Variants in CHGB observed in about 807,000 individuals in gnomAD.
The protein encoded by CHGB is chromogranin B.
Under a neutral mutation model 69.9 loss-of-function variants are expected in CHGB, and 46 were observed. That is an observed-to-expected ratio of 0.66 (90% CI 0.52 to 0.84). The LOEUF is 0.84. Among genes scored for constraint, CHGB ranks in the 40% least tolerant of loss-of-function variants. The probability of loss-of-function intolerance (pLI) is 0.00; values close to 1 mark genes in which losing one functional copy is unlikely to be tolerated. For synonymous variants in CHGB, 312 were observed against 298.2 expected (o/e 1.05, Z -0.48); for missense variants, 796 against 822.2 (o/e 0.97, Z 0.39).
chr20:5,913,050 T>C (rs1385272624), intron 1 of CHGB, among the ~76,000 whole-genome samples: 3 of 152,224 alleles, frequency 2.0e-5, no homozygotes, highest in African/African-American at 7.2e-5. Flanking sequence ...TTGCTTTGCT[T>C]AGGAGGCTGT....
At chr20:5,921,405 A>G (rs545323352) in intron 3 of CHGB, among the ~76,000 whole-genome samples, 4 of 152,190 alleles carry the variant, frequency 2.6e-5, no homozygotes, top group Non-Finnish European at 2.9e-5. Flanking sequence ...TCTGTGACAT[A>G]GGTTGAAATC....
chr20:5,924,152 C>A, intron 4 of CHGB, 52 bp downstream of exon 4: 1 of 1,498,572 alleles, frequency 6.7e-7, no homozygotes, highest in Non-Finnish European at 8.9e-7. Flanking sequence ...AATGTTAGCA[C>A]ATTATGTTCA....
At position 5,922,230 on chromosome 20, in the gene CHGB, C is replaced by G. The variant is rs181449290; in HGVS notation, c.191-105C>G. The G allele has an allele frequency of 2.0e-5, 27 of 1,365,878 alleles. No individual in the cohort carries two copies. In the African/African-American group the frequency reaches 3.5e-4, roughly 18 times the overall value. 84.6% of individuals were successfully genotyped at this position (1,365,878 alleles called of 1,614,324 possible). On this transcript the variant is annotated intron_variant, in intron 3 of 4. Coordinates refer to ENST00000378961, the MANE Select transcript of CHGB (RefSeq NM_001819.3). ...TTCTTCATTAACTTAAATAATTATC[C>G]AAGCAATTTTCAGTGTCATCAGGAT...
chr20:5,920,142 A>C (rs76964311), intron 3 of CHGB, among the ~76,000 whole-genome samples: 436 of 152,320 alleles, frequency 2.9e-3, no homozygotes, highest in African/African-American at 9.8e-3. Flanking sequence ...GCTTAAAGCT[A>C]AATTTAGTAG....
chr20:5,919,221 T>C (rs1389643472), intron 3 of CHGB, among the ~76,000 whole-genome samples: 4 of 152,238 alleles, frequency 2.6e-5, no homozygotes, highest in Non-Finnish European at 5.9e-5. Context: ...CCTTAGATTA[T>C]GGCATAGTAA....
In CHGB at chr20:5,923,171, G is replaced by A. The variant is rs2088527159; in HGVS notation, c.1027G>A (p.Glu343Lys). 22 of 1,613,924 alleles carry A rather than the reference G, an allele frequency of 1.4e-5. No homozygotes were observed. The highest frequency in any genetic ancestry group is 1.9e-5 in the Non-Finnish European group (22 of 1,179,862). Residue 343 changes from glutamate (E) to lysine (K), a missense_variant, in exon 4 of 5, where the codon GAA becomes AAA. Glu to Lys is a moderately conservative substitution (Grantham distance 56). Around this residue, in one of 3 missense-constraint regions of CHGB, gnomAD observed 518 missense variants for 506.3 expected, o/e 1.02. Coordinates refer to ENST00000378961, the MANE Select transcript of CHGB (RefSeq NM_001819.3). ...RASEEEPEYGEEIKGYPGVQA... is the reference protein window; with the variant it reads ...RASEEEPEYGKEIKGYPGVQA... The stretch of plus-strand genomic sequence containing the variant: ...TTCAGAGGAAGAACCTGAATATGGA[G>A]AAGAAATAAAGGGTTATCCAGGCGT...
In CHGB at chr20:5,922,490, A is replaced by G. The variant is rs144110872; in HGVS notation, c.346A>G (p.Thr116Ala). Reference protein sequence around the residue: ...APGEEDIQGPTKADTEKWAEG... With the variant: ...APGEEDIQGPAKADTEKWAEG... ...AGGGGAGGAGGACATCCAAGGCCCA[A>G]CAAAGGCAGACACAGAGAAATGGGC... The change falls in exon 4 of 5, where the codon ACA (threonine) becomes GCA (alanine). Residue 116 changes from threonine to alanine, a missense_variant. By Grantham distance (58) the Thr-to-Ala change is moderately conservative (BLOSUM62 0). Around this residue, in one of 3 missense-constraint regions of CHGB, gnomAD observed 518 missense variants for 506.3 expected, o/e 1.02. Transcript: ENST00000378961. The G allele has an allele frequency of 1.1e-4, 171 of 1,613,432 alleles. No individual in the cohort carries two copies. The African/African-American group carries it at 2.0e-3, about 19-fold the overall frequency.
At chr20:5,917,201 C>T (rs376046312) in intron 3 of CHGB, 104 of 413,326 alleles carry the variant, frequency 2.5e-4, no homozygotes, top group South Asian at 6.5e-4. Flanking sequence ...GATGTCTATC[C>T]GTTCTTAAAT....
At position 5,923,929 on chromosome 20, in the gene CHGB, G is replaced by A. The variant is rs759523311; in HGVS notation, c.1785G>A (p.Leu595=). The A allele has an allele frequency of 3.1e-6, 5 of 1,614,132 alleles. No homozygotes were observed. In the East Asian group the frequency reaches 1.1e-4, roughly 36 times the overall value. The change falls in exon 4 of 5, where the codon CTG becomes CTA. Residue 595 remains leucine (L), a synonymous_variant. Transcript: ENST00000378961. ...GAAACCTCGCCAGGGTCCCCAAGCT[G>A]GACCTGAAAAGGCAATATGACAGGG... ...EKRNLARVPK[L]DLKRQYDRVA... is the part of the protein sequence containing the mutation.
rs774750810 is a variant in CHGB, at chr20:5,923,695, A to C, written c.1551A>C (p.Arg517Ser). Residue 517 changes from arginine to serine, a missense_variant, in exon 4 of 5, where the codon AGA (arginine) becomes AGC (serine). Coordinates refer to ENST00000378961, the MANE Select transcript of CHGB (RefSeq NM_001819.3). ...ATCACACAGCTGAAAAGAGGAAGAG[A>C]TTAGGGGAACTGTTCAACCCATACT... is the stretch of plus-strand genomic sequence containing the variant. ...SSHHTAEKRK[R>S]LGELFNPYYD... 31 of 1,613,934 alleles carry C rather than the reference A, an allele frequency of 1.9e-5. No individual in the cohort carries two copies. The highest frequency in any genetic ancestry group is 2.6e-5 in the Non-Finnish European group (31 of 1,180,018).
intron 1 of CHGB, among the ~76,000 whole-genome samples, chr20:5,914,442 C>G (rs2088464169): frequency 6.6e-6 from 1 of 152,028 alleles, no homozygotes; most frequent in East Asian, 1.9e-4. Context: ...TTTCTCTGCC[C>G]CCAAATCTGG....
intron 2 of CHGB, 42 bp from the exon 3 acceptor site, chr20:5,916,784 G>C (rs1221438039): frequency 1.3e-6 from 2 of 1,583,156 alleles, no homozygotes. Context: ...CTGTCATCCA[G>C]TGATACCAGC....
In CHGB at chr20:5,923,856, G is replaced by A. The variant is rs756437543; in HGVS notation, c.1712G>A (p.Trp571Ter). 1 of 1,614,164 alleles carries A rather than the reference G, an allele frequency of 6.2e-7. No individual in the cohort carries two copies. The highest frequency in any genetic ancestry group is 8.5e-7 in the Non-Finnish European group (1 of 1,180,020). The change falls in exon 4 of 5, where the codon TGG (tryptophan) becomes TAG (stop). Residue 571 changes from tryptophan (W) to a stop codon, truncating the protein, a stop_gained. Transcript: ENST00000378961. LOFTEE classifies it high-confidence loss of function. ...TTCCCAGAATACAACTATGACTGGT[G>A]GGAGAAAAAGCCCTTCTCTGAGGAT... is the stretch of plus-strand genomic sequence containing the variant. ...NFFPEYNYDW[W>*]EKKPFSEDVN... is the part of the protein sequence containing the mutation.
chr20:5,918,411 A>AAACAAT (rs1354482559), intron 3 of CHGB, among the ~76,000 whole-genome samples: 1 of 152,068 alleles, frequency 6.6e-6, no homozygotes, highest in African/African-American at 2.4e-5. Flanking sequence ...ACAAAAACAA[A>AAACAAT]AAAAACACCA....
chr20:5,918,439 G>A (rs867832568), intron 3 of CHGB, among the ~76,000 whole-genome samples: 1 of 152,020 alleles, frequency 6.6e-6, no homozygotes, highest in African/African-American at 2.4e-5. Flanking sequence ...ACCTCTCGCT[G>A]CCAGACAAGA....
At chr20:5,919,193 G>T (rs891911575) in intron 3 of CHGB, among the ~76,000 whole-genome samples, 4 of 152,308 alleles carry the variant, frequency 2.6e-5, no homozygotes, top group Admixed American at 6.5e-5. Context: ...GCCTATGCCT[G>T]CCTGCCAAGA....
chr20:5,923,944 A>G lies in CHGB; in HGVS notation c.1800A>G (p.Gln600=), dbSNP rs1600215347. Residue 600 remains glutamine (Q), a synonymous_variant, in exon 4 of 5, where the codon CAA becomes CAG. Transcript: ENST00000378961. ...TCCCCAAGCTGGACCTGAAAAGGCA[A>G]TATGACAGGGTGGCCCAACTGGACC... ...ARVPKLDLKR[Q]YDRVAQLDQL... 2 of 1,614,180 alleles carry G rather than the reference A, an allele frequency of 1.2e-6. No homozygotes were observed. The highest frequency in any genetic ancestry group is 1.1e-5 in the South Asian group (1 of 91,086).
intron 3 of CHGB, among the ~76,000 whole-genome samples, chr20:5,921,855 A>T (rs1463302979): frequency 6.6e-6 from 1 of 152,248 alleles, no homozygotes; most frequent in African/African-American, 2.4e-5. Context: ...TATTTTGGCT[A>T]GTTAACTATC....
At chr20:5,916,743 C>A in intron 2 of CHGB, 83 bp from the exon 3 acceptor site, 1 of 1,267,622 alleles carries the variant, frequency 7.9e-7, no homozygotes, top group Non-Finnish European at 1.2e-6. Flanking sequence ...GTAATCAAGT[C>A]TTCCTTGACA....
Sources: gnomAD v4.1 joint callset for allele counts (sites outside exome capture counted in the v4.1 genomes callset) on GRCh38, gnomAD v4.1.1 for gene constraint, gnomAD v4.1.1 regional missense constraint, MANE v1.5 for transcripts, NCBI Gene and HGNC (gene_info 2026-07-23, HGNC 2026-07-21) for gene names.